MYO16: variants seen among roughly 807,000 people sequenced by gnomAD.
MYO16 encodes the protein unconventional myosin-XVI.
A neutral mutation model predicts 205.3 loss-of-function variants in MYO16; 94 were observed. The ratio of observed to expected loss-of-function variants is 0.46; its 90% CI spans 0.39 to 0.54. MYO16 has a LOEUF of 0.54. MYO16 is among the 20% of genes least tolerant of loss of function. The pLI, the probability that MYO16 is intolerant of heterozygous loss-of-function variation, is 0.00. For missense variants in MYO16, 2,315 were observed against 2,387.5 expected (o/e 0.97, Z 0.63); for synonymous variants, 988 against 954.0 (o/e 1.04, Z -0.66).
chr13:108,927,738 T>G (rs1461475472), intron 16 of MYO16, among the ~76,000 whole-genome samples: 2 of 152,228 alleles, frequency 1.3e-5, no homozygotes, highest in African/African-American at 4.8e-5. Context: ...TGTGGAGCCC[T>G]GCACAGGAAT....
At chr13:108,542,387 G>T in the MYO16 span, among the ~76,000 whole-genome samples, 6 of 152,270 alleles carry the variant, frequency 3.9e-5, no homozygotes, top group African/African-American at 1.4e-4. Flanking sequence ...TCTGCGTGAT[G>T]AAATAATCTG....
chr13:108,896,971 G>A (rs558022858), intron 14 of MYO16, among the ~76,000 whole-genome samples: 1 of 151,914 alleles, frequency 6.6e-6, no homozygotes, highest in South Asian at 2.1e-4. Context: ...ACTCCAGCCT[G>A]GATGACAGAG....
intron 28 of MYO16, among the ~76,000 whole-genome samples, chr13:109,104,070 A>G (rs977821558): frequency 1.3e-5 from 2 of 152,342 alleles, no homozygotes; most frequent in African/African-American, 4.8e-5. Flanking sequence ...CCTTGTCTTA[A>G]TTAGAGATCA....
At chr13:109,190,876 A>G (rs1031415679) in intron 34 of MYO16, among the ~76,000 whole-genome samples, 1 of 152,208 alleles carries the variant, frequency 6.6e-6, no homozygotes. Flanking sequence ...TAAAGCATAT[A>G]ATAATATATA....
At chr13:109,018,148 T>G (rs1449405174) in intron 22 of MYO16, among the ~76,000 whole-genome samples, 1 of 152,212 alleles carries the variant, frequency 6.6e-6, no homozygotes, top group Non-Finnish European at 1.5e-5. Context: ...AGATGGAGTT[T>G]TGGTGTGGAT....
At chr13:108,677,274 G>C (rs1261328167) in intron 2 of MYO16, among the ~76,000 whole-genome samples, 1 of 150,508 alleles carries the variant, frequency 6.6e-6, no homozygotes, top group East Asian at 2.0e-4. Flanking sequence ...GTATGAGTCA[G>C]AGTTCTCCAG....
chr13:109,165,192 T>A, intron 33 of MYO16, 133 bp downstream of exon 33: 1 of 630,516 alleles, frequency 1.6e-6, no homozygotes, highest in Admixed American at 3.6e-5. Context: ...ACCATGAAAC[T>A]CCCCTGCAAG....
intron 9 of MYO16, among the ~76,000 whole-genome samples, chr13:108,836,725 G>A (rs1566360162): frequency 6.6e-6 from 1 of 152,184 alleles, no homozygotes; most frequent in Admixed American, 6.6e-5. Flanking sequence ...GAACGTTAAG[G>A]TTTAATGACT....
chr13:108,543,486 T>C, the MYO16 span, among the ~76,000 whole-genome samples: 4 of 150,764 alleles, frequency 2.7e-5, no homozygotes, highest in South Asian at 2.1e-4. Flanking sequence ...CTACAAAAAA[T>C]AAAAACTTAG....
At chr13:108,936,098 TTCC>T (rs1321947593) in intron 16 of MYO16, among the ~76,000 whole-genome samples, 1 of 86,104 alleles carries the variant, frequency 1.2e-5, no homozygotes, top group African/African-American at 3.8e-5. Flanking sequence ...CCTTCCTTCC[TTCC>T]TTCCTTCCTT....
At chr13:108,704,425 C>T (rs1472587833) in intron 2 of MYO16, among the ~76,000 whole-genome samples, 1 of 152,160 alleles carries the variant, frequency 6.6e-6, no homozygotes, top group Non-Finnish European at 1.5e-5. Flanking sequence ...GGGTGCAGCA[C>T]ACCAACATGG....
chr13:108,645,148 GC>G (rs1384294224), intron 1 of MYO16, among the ~76,000 whole-genome samples: 1 of 152,154 alleles, frequency 6.6e-6, no homozygotes, highest in Non-Finnish European at 1.5e-5. Flanking sequence ...CCAGATCTAA[GC>G]TAGGTCTGGA....
intron 1 of MYO16, among the ~76,000 whole-genome samples, chr13:108,635,939 A>G (rs1566518725): frequency 6.6e-6 from 1 of 152,132 alleles, no homozygotes; most frequent in Non-Finnish European, 1.5e-5. Context: ...TTTATTCTAA[A>G]GCTAAATTAG....
chr13:108,882,958 T>C, intron 12 of MYO16, 101 bp from the exon 13 acceptor site: 2 of 1,443,006 alleles, frequency 1.4e-6, no homozygotes, highest in Middle Eastern at 5.0e-4. Context: ...TAGGGATTCA[T>C]TCACTTCTGT....
chr13:109,157,168 T>C (rs1434491687), intron 32 of MYO16, among the ~76,000 whole-genome samples: 2 of 142,894 alleles, frequency 1.4e-5, no homozygotes, highest in Non-Finnish European at 3.0e-5. Context: ...GCCTCTCCCC[T>C]GACTCTCTTT....
rs761326708 is a variant in MYO16 at position 108,666,106 on chromosome 13, G to A, written c.249G>A (p.Thr83=). The change falls in exon 2 of 35, where the codon ACG becomes ACA. Residue 83 remains threonine (T), a synonymous_variant. Transcript: ENST00000457511. ...AKNPKVHFNL[T]DMLQDAIIHH... is the part of the protein sequence containing the mutation. ...ATCCGAAAGTTCACTTCAACCTCAC[G>A]GACATGCTACAGGACGCGATTATCC... The A allele has an allele frequency of 3.1e-6, 5 of 1,613,612 alleles. No homozygotes were observed. Among genetic ancestry groups the A allele is most frequent in the Admixed American group, 1.7e-5 (1 of 59,970 alleles).
At chr13:108,561,450 A>C in the MYO16 span, among the ~76,000 whole-genome samples, 1 of 152,238 alleles carries the variant, frequency 6.6e-6, no homozygotes, top group Non-Finnish European at 1.5e-5. Flanking sequence ...AAACTGAAGC[A>C]ATGCTGCTTG....
intron 20 of MYO16, among the ~76,000 whole-genome samples, chr13:108,973,524 G>A (rs919314382): frequency 2.6e-5 from 4 of 152,116 alleles, no homozygotes; most frequent in African/African-American, 9.7e-5. Context: ...ATTTCCTAGA[G>A]ATCCAGATTT....
chr13:109,188,973 A>G (rs188720406), intron 34 of MYO16, among the ~76,000 whole-genome samples: 1 of 152,110 alleles, frequency 6.6e-6, no homozygotes, highest in Non-Finnish European at 1.5e-5. Context: ...GCATGCCTGT[A>G]ACCCCAGCTA....
Sources: allele counts gnomAD v4.1 joint callset (sites outside exome capture counted in the v4.1 genomes callset), GRCh38; gene constraint gnomAD v4.1.1; transcripts MANE v1.5; gene names NCBI Gene and HGNC (gene_info 2026-07-23, HGNC 2026-07-21).